The following ARB2A variants were observed in gnomAD, a reference collection of about 807,000 sequenced individuals.
ARB2A encodes the protein cotranscriptional regulator ARB2A.
chr5:93,946,122 G>C, the ARB2A span, among the ~76,000 whole-genome samples: 2 of 152,022 alleles, frequency 1.3e-5, no homozygotes, highest in Non-Finnish European at 2.9e-5. Context: ...TCTACTTGAT[G>C]GGTCCAACAA....
chr5:93,762,232 T>A, the ARB2A span, among the ~76,000 whole-genome samples: 2 of 152,096 alleles, frequency 1.3e-5, no homozygotes, highest in Non-Finnish European at 2.9e-5. Context: ...AGAAGAAGGC[T>A]TCAGACGATC....
chr5:93,811,630 T>A, the ARB2A span, among the ~76,000 whole-genome samples: 1 of 152,110 alleles, frequency 6.6e-6, no homozygotes, highest in East Asian at 1.9e-4. Context: ...AAAACCTAAC[T>A]GTTACAAAGT....
At chr5:93,844,483 G>T in the ARB2A span, among the ~76,000 whole-genome samples, 1 of 151,864 alleles carries the variant, frequency 6.6e-6, no homozygotes, top group Admixed American at 6.6e-5. Flanking sequence ...TTCTAATTTA[G>T]AATTCTATAC....
chr5:93,903,288 T>A, the ARB2A span, among the ~76,000 whole-genome samples: 1 of 152,082 alleles, frequency 6.6e-6, no homozygotes, highest in Non-Finnish European at 1.5e-5. Context: ...TATTGTTATA[T>A]GATTACTGGA....
At chr5:93,638,529 C>G in the ARB2A span, among the ~76,000 whole-genome samples, 1 of 152,000 alleles carries the variant, frequency 6.6e-6, no homozygotes, top group Admixed American at 6.6e-5. Context: ...TATAGAAATG[C>G]AGGCTGGGCA....
chr5:93,754,812 G>A, the ARB2A span, among the ~76,000 whole-genome samples: 1 of 152,072 alleles, frequency 6.6e-6, no homozygotes, highest in East Asian at 1.9e-4. Context: ...ATATTTCTAT[G>A]TCCTATGAAT....
chr5:93,654,871 C>T, the ARB2A span, among the ~76,000 whole-genome samples: 1 of 152,232 alleles, frequency 6.6e-6, no homozygotes, highest in Non-Finnish European at 1.5e-5. Flanking sequence ...ACATGTTAGT[C>T]ATAGCTTCAG....
chr5:94,105,096 C>T, the ARB2A span, among the ~76,000 whole-genome samples: 6 of 152,092 alleles, frequency 3.9e-5, no homozygotes, highest in African/African-American at 1.4e-4. Context: ...GACAAGCATG[C>T]CCACTCTCAC....
At chr5:94,041,317 G>C in the ARB2A span, among the ~76,000 whole-genome samples, 1 of 152,086 alleles carries the variant, frequency 6.6e-6, no homozygotes, top group South Asian at 2.1e-4. Flanking sequence ...CACTTTTCAA[G>C]ACGGCCCAGC....
At chr5:94,065,723 T>C in the ARB2A span, among the ~76,000 whole-genome samples, 1 of 152,142 alleles carries the variant, frequency 6.6e-6, no homozygotes, top group African/African-American at 2.4e-5. Context: ...CATACAGACA[T>C]ATAAAGCAAA....
the ARB2A span, among the ~76,000 whole-genome samples, chr5:93,727,080 G>A: frequency 1.3e-5 from 2 of 151,990 alleles, no homozygotes; most frequent in Non-Finnish European, 2.9e-5. Flanking sequence ...ATTAAAAGTA[G>A]TTTGCATTTG....
the ARB2A span, among the ~76,000 whole-genome samples, chr5:94,020,875 C>T: frequency 1.2e-4 from 19 of 152,122 alleles, no homozygotes; most frequent in African/African-American, 1.7e-4. Context: ...CCAGCATTGA[C>T]TGCTGGGATT....
At chr5:93,669,227 T>G in the ARB2A span, among the ~76,000 whole-genome samples, 1 of 152,224 alleles carries the variant, frequency 6.6e-6, no homozygotes, top group Non-Finnish European at 1.5e-5. Context: ...TTTAGAGTTG[T>G]GAGTGAATGA....
the ARB2A span, among the ~76,000 whole-genome samples, chr5:94,101,528 T>C: frequency 1.3e-5 from 2 of 152,186 alleles, no homozygotes; most frequent in Admixed American, 6.5e-5. Context: ...AGTAAAGATA[T>C]GGAATCAACC....
At chr5:93,923,771 T>C in the ARB2A span, among the ~76,000 whole-genome samples, 1 of 152,152 alleles carries the variant, frequency 6.6e-6, no homozygotes, top group African/African-American at 2.4e-5. Context: ...ATCACACCAC[T>C]GCATTTCAGC....
At chr5:93,945,636 T>C in the ARB2A span, among the ~76,000 whole-genome samples, 44 of 151,880 alleles carry the variant, frequency 2.9e-4, 1 homozygote, top group African/African-American at 9.2e-4. Context: ...ACTGGAAATA[T>C]AGAATAAAAA....
the ARB2A span, among the ~76,000 whole-genome samples, chr5:93,903,515 A>G: frequency 6.6e-6 from 1 of 152,034 alleles, no homozygotes; most frequent in African/African-American, 2.4e-5. Context: ...GGACCTGCTA[A>G]AATTAGCTAG....
chr5:93,883,538 G>A, the ARB2A span, among the ~76,000 whole-genome samples: 1 of 151,504 alleles, frequency 6.6e-6, no homozygotes, highest in African/African-American at 2.4e-5. Context: ...TCACTGTCAG[G>A]TAGACAGATT....
At chr5:94,088,396 T>C in the ARB2A span, among the ~76,000 whole-genome samples, 1 of 152,192 alleles carries the variant, frequency 6.6e-6, no homozygotes, top group African/African-American at 2.4e-5. Context: ...AATGCAACTA[T>C]TGGGCCAGGC....
Sources: gnomAD v4.1 joint callset for allele counts (sites outside exome capture counted in the v4.1 genomes callset) on GRCh38, gnomAD v4.1.1 for gene constraint, MANE v1.5 for transcripts, NCBI Gene and HGNC (gene_info 2026-07-23, HGNC 2026-07-21) for gene names.